The following CALML4 variants were observed in gnomAD, a reference collection of about 807,000 sequenced individuals.
CALML4 encodes the protein calmodulin-like protein 4.
CALML4 carries 16 observed loss-of-function variants against 17.9 expected under a neutral mutation model. The observed-to-expected ratio is 0.89, with a 90% CI of 0.61 to 1.36. The LOEUF is 1.36. Among genes scored for constraint, CALML4 ranks in the 40% most tolerant of loss-of-function variants. The probability of loss-of-function intolerance (pLI) is 0.00; values close to 1 mark genes in which losing one functional copy is unlikely to be tolerated. For missense variants in CALML4, 203 were observed against 194.8 expected (o/e 1.04, Z -0.25); for synonymous variants, 86 against 71.5 (o/e 1.20, Z -1.02).
chr15:68,192,624 A>G lies in CALML4; in HGVS notation c.*1391T>C, dbSNP rs1299176673. ...GCCTTGTTTGGGTCTGAAGCCACAC[A>G]GCATCGTTGAGACAGTTGCACTAAC... is the stretch of plus-strand genomic sequence containing the variant. On this transcript the variant is annotated 3_prime_UTR_variant, in exon 5 of 5. Transcript: ENST00000467889. The G allele has an allele frequency of 6.6e-6, 1 of 152,224 alleles. No individual in the cohort carries two copies. The highest frequency in any genetic ancestry group is 1.5e-5 in the Non-Finnish European group (1 of 68,058). The allele number at this position is 152,224 out of a possible 1,614,324, so 9.4% of individuals were successfully genotyped here. A position where few individuals can be genotyped will look rare whatever the true frequency, so the allele number is the denominator to read the frequency against.
rs1255420237 is a variant in CALML4 at position 68,204,264 on chromosome 15, G to A, written c.34+857C>T. On this transcript the variant is annotated intron_variant, in intron 2 of 4. Coordinates refer to ENST00000467889, the MANE Select transcript of CALML4 (RefSeq NM_033429.3). This position sits in a 1 kb window ranked among gnomAD's most constrained non-coding sequence, Gnocchi z 6.0. ...CTCAGGACCCTACCCTGGATCACAA[G>A]GGCCCAAGGTGCCTGTAATTTTATC... Among the ~76,000 whole-genome samples the A allele has an allele frequency of 1.3e-5, 2 of 152,180 alleles. No homozygotes were observed. The highest frequency in any genetic ancestry group is 2.9e-5 in the Non-Finnish European group (2 of 68,034).
chr15:68,199,787 A>G (rs1200686739), intron 2 of CALML4, 106 bp from the exon 3 acceptor site: 11 of 1,278,694 alleles, frequency 8.6e-6, no homozygotes, highest in African/African-American at 3.0e-5. Flanking sequence ...CCTTTTGCCT[A>G]CTCCCTCCAT....
At chr15:68,205,518 C>T, upstream of CALML4, 1 of 1,036,540 alleles carries the variant, frequency 9.6e-7, no homozygotes, top group Non-Finnish European at 1.4e-6. The surrounding 1 kb of genome is among the most constrained non-coding windows in gnomAD (Gnocchi z 4.8). Flanking sequence ...CCTCCAGAAG[C>T]CGAAGCAAAG....
rs2093122230 is a variant in CALML4, at chr15:68,191,941, T to C, written c.*2074A>G. On this transcript the variant is annotated 3_prime_UTR_variant, in exon 5 of 5. Coordinates refer to ENST00000467889, the MANE Select transcript of CALML4 (RefSeq NM_033429.3). ...GTTCTAATGACCATTCCACACCAAC[T>C]GTGTGTTTTTGGCAAGTTATATTTC... The C allele has an allele frequency of 6.6e-6, 1 of 152,218 alleles. No homozygotes were observed. The highest frequency in any genetic ancestry group is 2.4e-5 in the African/African-American group (1 of 41,464). 9.4% of individuals were successfully genotyped at this position (152,218 alleles called of 1,614,324 possible).
intron 2 of CALML4, among the ~76,000 whole-genome samples, chr15:68,201,849 C>G (rs1402839688): frequency 1.3e-5 from 2 of 152,218 alleles, no homozygotes; most frequent in Non-Finnish European, 2.9e-5. Context: ...TTCCTGCTGG[C>G]CCCTTCCTCC....
Position 68,199,529 on chromosome 15 carries a change from A to G in CALML4, c.175+12T>C, listed in dbSNP as rs1258743907. 6.2e-7 allele frequency: 1 copy of G among 1,604,928 alleles called. No homozygotes were observed. Among genetic ancestry groups the G allele is most frequent in the African/African-American group, 1.3e-5 (1 of 74,388 alleles). The stretch of plus-strand genomic sequence containing the variant: ...CCCCTCCCCTCTCCCCGTTGTTCCC[A>G]CCACCACTCACCTATCCCGTGGGTC... On this transcript the variant is annotated intron_variant, in intron 3 of 4. Transcript: ENST00000467889.
At chr15:68,196,627 T>C (rs1322569454) in intron 4 of CALML4, among the ~76,000 whole-genome samples, 1 of 152,168 alleles carries the variant, frequency 6.6e-6, no homozygotes, top group Non-Finnish European at 1.5e-5. Context: ...GCTGGCTGGC[T>C]GCTGCGAACA....
rs1467739594 is a variant in CALML4, at chr15:68,201,911, C to T, written c.35-2230G>A. Among the ~76,000 whole-genome samples the T allele has an allele frequency of 2.6e-5, 4 of 152,186 alleles. No individual in the cohort carries two copies. The South Asian group carries it at 8.3e-4, about 32-fold the overall frequency. ...CTCCTGGCTCTCCTTCCTGCTTTTT[C>T]TCCTGACAGGTCGGCCCTCTAACAT... On this transcript the variant is annotated intron_variant, in intron 2 of 4. Coordinates refer to ENST00000467889, the MANE Select transcript of CALML4 (RefSeq NM_033429.3).
At chr15:68,201,876 CCCT>C (rs2093166479) in intron 2 of CALML4, among the ~76,000 whole-genome samples, 1 of 152,326 alleles carries the variant, frequency 6.6e-6, no homozygotes, top group East Asian at 1.9e-4. Context: ...TCTTCACTCT[CCCT>C]CCTCACCTCC....
Position 68,200,387 on chromosome 15 carries a change from G to A in CALML4, c.35-706C>T, listed in dbSNP as rs1466384423. Among the ~76,000 whole-genome samples the A allele has an allele frequency of 2.0e-5, 3 of 152,186 alleles. No individual in the cohort carries two copies. The highest frequency in any genetic ancestry group is 3.9e-4 in the East Asian group (2 of 5,180). ...TAGAGACTTCAAAGGGTCCTGCTGGGAAATTCTCCCAGGGTCTGAAGCCCT... is the reference window on the plus strand; with the variant it reads ...TAGAGACTTCAAAGGGTCCTGCTGGAAAATTCTCCCAGGGTCTGAAGCCCT... On this transcript the variant is annotated intron_variant, in intron 2 of 4. Transcript: ENST00000467889. The surrounding 1 kb of genome is among the most constrained non-coding windows in gnomAD (Gnocchi z 4.3).
rs577158114 is a variant in CALML4, at chr15:68,203,062, C to T, written c.34+2059G>A. Among the ~76,000 whole-genome samples, 225 of 151,408 alleles carry T rather than the reference C, an allele frequency of 1.5e-3. 1 individual carries two copies. Among genetic ancestry groups the T allele is most frequent in the African/African-American group, 5.1e-3 (211 of 41,122 alleles). ...ACTCCTGACCTCAGGTGATCTGCCT[C>T]CCTCGGTCTCTCAAAGTGCTGGGAT... is the stretch of plus-strand genomic sequence containing the variant. On this transcript the variant is annotated intron_variant, in intron 2 of 4. Coordinates refer to ENST00000467889, the MANE Select transcript of CALML4 (RefSeq NM_033429.3).
chr15:68,205,479 G>A (rs2093180309), upstream of CALML4: 3 of 1,419,460 alleles, frequency 2.1e-6, no homozygotes, highest in African/African-American at 1.4e-5. The surrounding 1 kb of genome is among the most constrained non-coding windows in gnomAD (Gnocchi z 4.8). Flanking sequence ...TGGGGCTGCA[G>A]AAGGCTCTCC....
In CALML4 at chr15:68,199,728, G is replaced by A. The variant is rs114508037; in HGVS notation, c.35-47C>T. The A allele has an allele frequency of 3.2e-4, 495 of 1,571,102 alleles. 1 individual carries two copies. The African/African-American group carries it at 5.5e-3, about 17-fold the overall frequency. On this transcript the variant is annotated intron_variant, in intron 2 of 4. Transcript: ENST00000467889. ...GGTCAGCAGCGTCTGGTCACTCTCC[G>A]CCCATGCCGCCCTCCCCATCCTTAG...
intron 3 of CALML4, 37 bp downstream of exon 3, chr15:68,199,504 C>T (rs1032688437): frequency 2.6e-5 from 41 of 1,587,258 alleles, no homozygotes; most frequent in Admixed American, 1.2e-4. Flanking sequence ...ACCTGCTGGG[C>T]CCCTCCCCTC....
chr15:68,195,092 T>G (rs1463981439), intron 4 of CALML4, among the ~76,000 whole-genome samples: 1 of 152,048 alleles, frequency 6.6e-6, no homozygotes, highest in East Asian at 1.9e-4. Context: ...CTTCTGGTTC[T>G]GGATTCCTGG....
chr15:68,205,140 A>C lies in CALML4; in HGVS notation c.15T>G (p.Leu5=). 1 of 1,614,170 alleles carries C rather than the reference A, an allele frequency of 6.2e-7. No individual in the cohort carries two copies. Among genetic ancestry groups the C allele is most frequent in the Non-Finnish European group, 8.5e-7 (1 of 1,180,036 alleles). Residue 5 remains leucine, a synonymous_variant, in exon 2 of 5, where the codon CTT becomes CTG. Transcript: ENST00000467889. This position sits in a 1 kb window ranked among gnomAD's most constrained non-coding sequence, Gnocchi z 4.8. ...ACCTACCATTAATTTGGTCTTGGGA[A>C]AGAAACTTGGCCTGCAGCAGAGAAA... MAKF[L]SQDQINEYKE...
In CALML4 at chr15:68,199,526, C is replaced by T. The variant is rs763853680; in HGVS notation, c.175+15G>A. On this transcript the variant is annotated intron_variant, in intron 3 of 4. Coordinates refer to ENST00000467889, the MANE Select transcript of CALML4 (RefSeq NM_033429.3). ...GGGCCCCTCCCCTCTCCCCGTTGTT[C>T]CCACCACCACTCACCTATCCCGTGG... 7 of 1,603,744 alleles carry T rather than the reference C, an allele frequency of 4.4e-6. No homozygotes were observed. The highest frequency in any genetic ancestry group is 6.0e-6 in the Non-Finnish European group (7 of 1,174,368).
intron 4 of CALML4, among the ~76,000 whole-genome samples, chr15:68,194,727 C>T (rs538625702): frequency 5.5e-4 from 83 of 152,018 alleles, no homozygotes; most frequent in Non-Finnish European, 1.0e-3. Context: ...AATATGACCC[C>T]TGTGCCCATA....
chr15:68,201,011 CAGA>C (rs2093163938), intron 2 of CALML4, among the ~76,000 whole-genome samples: 1 of 151,944 alleles, frequency 6.6e-6, no homozygotes. Flanking sequence ...GGAGAGGATG[CAGA>C]AGGAGCCCCC....
Sources: gnomAD v4.1 joint callset for allele counts (sites outside exome capture counted in the v4.1 genomes callset) on GRCh38, gnomAD v4.1.1 for gene constraint, Gnocchi (gnomAD v3.1) non-coding constraint, MANE v1.5 for transcripts, NCBI Gene and HGNC (gene_info 2026-07-23, HGNC 2026-07-21) for gene names.